The following UBE2H variants were observed in gnomAD, a reference collection of about 807,000 sequenced individuals.
The protein encoded by UBE2H is ubiquitin-conjugating enzyme E2 H.
In UBE2H, 3 loss-of-function variants were observed where a neutral mutation model predicts 29.0. That is an observed-to-expected ratio of 0.10 (90% CI 0.05 to 0.27). UBE2H has a LOEUF of 0.27. Among genes scored for constraint, UBE2H ranks in the 10% least tolerant of loss-of-function variants. The probability of loss-of-function intolerance (pLI) is 1.00; values close to 1 mark genes in which losing one functional copy is unlikely to be tolerated. For missense variants in UBE2H, 68 were observed against 228.2 expected (o/e 0.30, Z 4.52); for synonymous variants, 69 against 82.9 (o/e 0.83, Z 0.91).
intron 3 of UBE2H, among the ~76,000 whole-genome samples, chr7:129,863,808 G>GTTTTTTTTTTTTCTGTTTTT (rs1805844759): frequency 7.4e-6 from 1 of 136,042 alleles, no homozygotes; most frequent in African/African-American, 2.8e-5. Flanking sequence ...AATACTAGGT[G>GTTTTTTTTTTTTCTGTTTTT]TTTTTTTTTT....
At chr7:129,867,699 T>TAA (rs59742626) in intron 3 of UBE2H, among the ~76,000 whole-genome samples, 160 of 29,606 alleles carry the variant, frequency 5.4e-3, no homozygotes, top group East Asian at 0.02. Context: ...TAGAGTATAA[T>TAA]AAAAAAAAAA....
At chr7:129,905,751 T>C (rs1200834225) in intron 1 of UBE2H, among the ~76,000 whole-genome samples, 4 of 152,218 alleles carry the variant, frequency 2.6e-5, no homozygotes, top group Non-Finnish European at 2.9e-5. Context: ...ATCCTGGTAT[T>C]GCTGATGGTA....
chr7:129,846,818 C>A (rs1299935885), intron 5 of UBE2H, among the ~76,000 whole-genome samples: 2 of 152,146 alleles, frequency 1.3e-5, no homozygotes, highest in Non-Finnish European at 2.9e-5. Flanking sequence ...CGTTCTCAAT[C>A]CCACTTACCC....
intron 1 of UBE2H, among the ~76,000 whole-genome samples, chr7:129,943,342 ATC>A (rs1187866602): frequency 6.6e-6 from 1 of 152,184 alleles, no homozygotes; most frequent in Non-Finnish European, 1.5e-5. Context: ...CTAATTTTTT[ATC>A]TGTTTTGGTA....
At chr7:129,887,370 C>T (rs1806385156) in intron 1 of UBE2H, among the ~76,000 whole-genome samples, 1 of 151,798 alleles carries the variant, frequency 6.6e-6, no homozygotes, top group African/African-American at 2.4e-5. Context: ...TACAGGTGCA[C>T]ACCACCACAC....
intron 1 of UBE2H, among the ~76,000 whole-genome samples, chr7:129,882,470 GA>G (rs1313130560): frequency 2.6e-5 from 4 of 152,314 alleles, no homozygotes; most frequent in Middle Eastern, 6.8e-3. Flanking sequence ...TGTCCAATGA[GA>G]CACAGAACTG....
At chr7:129,935,183 G>A (rs1807501569) in intron 1 of UBE2H, among the ~76,000 whole-genome samples, 1 of 151,740 alleles carries the variant, frequency 6.6e-6, no homozygotes, top group African/African-American at 2.4e-5. Context: ...CCACCATTAT[G>A]GGAGGCTGAG....
intron 1 of UBE2H, among the ~76,000 whole-genome samples, chr7:129,904,754 G>A (rs144269865): frequency 7.9e-5 from 12 of 152,278 alleles, no homozygotes; most frequent in African/African-American, 2.6e-4. Flanking sequence ...GGAAATAAGA[G>A]AGCATCTGCC....
chr7:129,841,215 G>T lies in UBE2H; in HGVS notation c.299-1880C>A, dbSNP rs1448433619. Among the ~76,000 whole-genome samples, 3 of 152,304 alleles carry T rather than the reference G, an allele frequency of 2.0e-5. No individual in the cohort carries two copies. In the East Asian group the frequency reaches 5.8e-4, roughly 29 times the overall value. On this transcript the variant is annotated intron_variant, in intron 5 of 6. Transcript: ENST00000355621. ...CTACTCAAAACTCAGCTCTGCCACT[G>T]TAACACAAAAGCAGCCAAAGTATAG...
intron 3 of UBE2H, among the ~76,000 whole-genome samples, chr7:129,875,426 A>G (rs1376991797): frequency 6.6e-6 from 1 of 152,228 alleles, no homozygotes; most frequent in Non-Finnish European, 1.5e-5. Flanking sequence ...ACTTTTAAGT[A>G]TTATAACACT....
rs540836794 is a variant in UBE2H at position 129,910,709 on chromosome 7, C to T, written c.54-29738G>A. ...CCAGCCTGGACAACACGGTGAAACC[C>T]CGTCTCTACTAAAAATACAAAAATT... On this transcript the variant is annotated intron_variant, in intron 1 of 6. Transcript: ENST00000355621. Among the ~76,000 whole-genome samples, 10 of 152,000 alleles carry T rather than the reference C, an allele frequency of 6.6e-5. No individual in the cohort carries two copies. In the South Asian group the frequency reaches 1.2e-3, roughly 19 times the overall value.
chr7:129,941,028 C>G (rs1457141549), intron 1 of UBE2H, among the ~76,000 whole-genome samples: 1 of 152,042 alleles, frequency 6.6e-6, no homozygotes, highest in Non-Finnish European at 1.5e-5. Context: ...CATCTCAGCT[C>G]ACTGCAACCT....
At position 129,899,876 on chromosome 7, in the gene UBE2H, C is replaced by T. The variant is rs139612321; in HGVS notation, c.54-18905G>A. ...GACACCATGGCTCACACCTGTAAATCCAGCACTTTGGGAGGCCGAGGCAGG... is the reference window on the plus strand; with the variant it reads ...GACACCATGGCTCACACCTGTAAATTCAGCACTTTGGGAGGCCGAGGCAGG... On this transcript the variant is annotated intron_variant, in intron 1 of 6. Transcript: ENST00000355621. Among the ~76,000 whole-genome samples, 665 of 152,260 alleles carry T rather than the reference C, an allele frequency of 4.4e-3. 1 individual carries two copies. Among genetic ancestry groups the T allele is most frequent in the Non-Finnish European group, 7.2e-3 (491 of 68,020 alleles).
At chr7:129,865,727 A>G (rs1236429224) in intron 3 of UBE2H, among the ~76,000 whole-genome samples, 3 of 152,252 alleles carry the variant, frequency 2.0e-5, no homozygotes, top group African/African-American at 7.2e-5. Context: ...CTGATCGTCT[A>G]TCTTCAGAAC....
chr7:129,931,273 A>T (rs1041694306), intron 1 of UBE2H, among the ~76,000 whole-genome samples: 2 of 151,870 alleles, frequency 1.3e-5, no homozygotes, highest in Non-Finnish European at 2.9e-5. Context: ...CTGTAATCCC[A>T]GCTACTGGAG....
chr7:129,867,724 C>CAAAAAAAAAAAAAAAAAAAAAAAAAA (rs1473451530), intron 3 of UBE2H, among the ~76,000 whole-genome samples: 23 of 31,204 alleles, frequency 7.4e-4, no homozygotes, highest in Non-Finnish European at 9.3e-4. Context: ...AAAAGAAAAC[C>CAAAAAAAAAAAAAAAAAAAAAAAAAA]AAAAAAAAAA....
intron 1 of UBE2H, among the ~76,000 whole-genome samples, chr7:129,931,751 C>T (rs1455101837): frequency 4.6e-5 from 7 of 151,532 alleles, no homozygotes; most frequent in African/African-American, 1.2e-4. Context: ...GCAGTTGTCT[C>T]GTAAAGGCTA....
At chr7:129,840,001 C>T (rs746029197) in intron 5 of UBE2H, among the ~76,000 whole-genome samples, 108 of 152,202 alleles carry the variant, frequency 7.1e-4, no homozygotes, top group African/African-American at 1.2e-3. Context: ...TGAACCACTG[C>T]GCTCAGCCTT....
intron 5 of UBE2H, among the ~76,000 whole-genome samples, chr7:129,842,063 A>G (rs1805438435): frequency 1.3e-5 from 2 of 152,370 alleles, no homozygotes; most frequent in Admixed American, 1.3e-4. Context: ...TATGCATAAG[A>G]CAAACATTTT....
Sources: gnomAD v4.1 joint callset for allele counts (sites outside exome capture counted in the v4.1 genomes callset) on GRCh38, gnomAD v4.1.1 for gene constraint, MANE v1.5 for transcripts, NCBI Gene and HGNC (gene_info 2026-07-23, HGNC 2026-07-21) for gene names.